Variants in PIAS1 observed in about 807,000 individuals in gnomAD.
PIAS1 encodes E3 SUMO-protein ligase PIAS1.
A neutral mutation model predicts 71.3 loss-of-function variants in PIAS1; 6 were observed. That is an observed-to-expected ratio of 0.08 (90% CI 0.05 to 0.17). PIAS1 has a LOEUF of 0.17. Among genes scored for constraint, PIAS1 ranks in the 10% least tolerant of loss-of-function variants. The probability of loss-of-function intolerance (pLI) is 1.00; values close to 1 mark genes in which losing one functional copy is unlikely to be tolerated. For synonymous variants in PIAS1, 303 were observed against 292.9 expected (o/e 1.03, Z -0.35); for missense variants, 555 against 793.6 (o/e 0.70, Z 3.61).
At chr15:68,148,125 T>G (rs1036191487) in intron 6 of PIAS1, among the ~76,000 whole-genome samples, 5 of 152,108 alleles carry the variant, frequency 3.3e-5, no homozygotes, top group African/African-American at 1.2e-4. Flanking sequence ...AAGCACATGG[T>G]GATTTTACAG....
chr15:68,165,946 T>C (rs2092955118), intron 8 of PIAS1, among the ~76,000 whole-genome samples: 1 of 152,122 alleles, frequency 6.6e-6, no homozygotes, highest in Admixed American at 6.6e-5. Flanking sequence ...ATCCTATTAA[T>C]CTCAGATGAT....
In PIAS1 at chr15:68,187,931, A is replaced by G; in HGVS notation, c.*96A>G. 1.8e-6 allele frequency: 2 copies of G among 1,133,654 alleles called. No individual in the cohort carries two copies. The highest frequency in any genetic ancestry group is 2.5e-6 in the Non-Finnish European group (2 of 801,018). 70.2% of individuals were successfully genotyped at this position (1,133,654 alleles called of 1,614,324 possible). ...CTCTGTTTTACCTTACTCTGTTTAGAAAAGTATACAAGCGTGTTTTTTTTC... is the reference window on the plus strand; with the variant it reads ...CTCTGTTTTACCTTACTCTGTTTAGGAAAGTATACAAGCGTGTTTTTTTTC... On this transcript the variant is annotated 3_prime_UTR_variant, in exon 14 of 14. Coordinates refer to ENST00000249636, the MANE Select transcript of PIAS1 (RefSeq NM_016166.3). The surrounding 1 kb of genome is among the most constrained non-coding windows in gnomAD (Gnocchi z 5.3).
chr15:68,146,273 A>G (rs749866634), intron 5 of PIAS1, among the ~76,000 whole-genome samples: 2 of 152,126 alleles, frequency 1.3e-5, no homozygotes, highest in Non-Finnish European at 2.9e-5. Context: ...GTGCCCTTGA[A>G]ATACTACTAC....
At chr15:68,116,767 AT>A (rs2092568471) in intron 2 of PIAS1, among the ~76,000 whole-genome samples, 1 of 151,688 alleles carries the variant, frequency 6.6e-6, no homozygotes, top group South Asian at 2.1e-4. Flanking sequence ...AACTTGTGAT[AT>A]TTTTTGTTTT....
In PIAS1 at chr15:68,148,059, G is replaced by C. The variant is rs1223017326; in HGVS notation, c.828+1359G>C. On this transcript the variant is annotated intron_variant, in intron 6 of 13. Transcript: ENST00000249636. ...CATTTTCATGAGGCCTGTGATGTAG[G>C]GGCCTGGTGGACACATACAAAGAAT... Among the ~76,000 whole-genome samples the C allele has an allele frequency of 4.6e-5, 7 of 152,164 alleles. No homozygotes were observed. The South Asian group carries it at 8.3e-4, about 18-fold the overall frequency.
intron 2 of PIAS1, among the ~76,000 whole-genome samples, chr15:68,089,231 T>C (rs1392285510): frequency 6.6e-6 from 1 of 152,248 alleles, no homozygotes; most frequent in Non-Finnish European, 1.5e-5. Context: ...TTACGATCAT[T>C]TTGTTATTTC....
chr15:68,085,394 G>A (rs927742889), intron 1 of PIAS1, among the ~76,000 whole-genome samples: 1 of 152,146 alleles, frequency 6.6e-6, no homozygotes, highest in African/African-American at 2.4e-5. Flanking sequence ...AGGAGAAAGG[G>A]GGACTAAATA....
chr15:68,057,806 ACT>A (rs1179554097), intron 1 of PIAS1, among the ~76,000 whole-genome samples: 1 of 151,732 alleles, frequency 6.6e-6, no homozygotes, highest in Non-Finnish European at 1.5e-5. Context: ...TATTTTAAAA[ACT>A]CTACAGTATA....
intron 2 of PIAS1, among the ~76,000 whole-genome samples, chr15:68,095,522 AC>A: frequency 6.7e-6 from 1 of 149,688 alleles, no homozygotes; most frequent in Non-Finnish European, 1.5e-5. Context: ...TAATTTTAAG[AC>A]ATTCTTTTTT....
intron 6 of PIAS1, among the ~76,000 whole-genome samples, chr15:68,149,962 T>A (rs997741164): frequency 6.6e-6 from 1 of 152,160 alleles, no homozygotes; most frequent in African/African-American, 2.4e-5. Context: ...TTGCTATTAA[T>A]TTTGATAGAA....
chr15:68,181,363 C>T lies in PIAS1; in HGVS notation c.1624+9C>T, dbSNP rs1285798116. 6.2e-7 allele frequency: 1 copy of T among 1,611,942 alleles called. No homozygotes were observed. The highest frequency in any genetic ancestry group is 8.5e-7 in the Non-Finnish European group (1 of 1,178,280). On this transcript the variant is annotated intron_variant, in intron 12 of 13. Transcript: ENST00000249636. ...GCCTTACGACTTACAAGGTGAGTCA[C>T]TGGTTCTTCTACATTGTCACATAGC...
At chr15:68,056,486 TC>T (rs2091897705) in intron 1 of PIAS1, among the ~76,000 whole-genome samples, 1 of 152,184 alleles carries the variant, frequency 6.6e-6, no homozygotes, top group South Asian at 2.1e-4. Context: ...TTTTGTGCTC[TC>T]CCAAATCTAC....
Position 68,068,893 on chromosome 15 carries a change from C to CT in PIAS1, c.24+14563dup, listed in dbSNP as rs11298983. 1.9e-3 allele frequency among the ~76,000 whole-genome samples: 142 copies of CT among 76,594 alleles called. 2 individuals carry two copies. The highest frequency in any genetic ancestry group is 6.2e-3 in the African/African-American group (123 of 19,946). The allele number at this position is 76,594 out of a possible 152,430, so 50.2% of individuals were successfully genotyped here. ...GTGTTACACCTTAAATGTTTTTGTCCTTTTTTTTTTTTTTTTTTTTGAGGT... is the reference window on the plus strand; with the variant it reads ...GTGTTACACCTTAAATGTTTTTGTCCTTTTTTTTTTTTTTTTTTTTTGAGGT... On this transcript the variant is annotated intron_variant, in intron 1 of 13. Coordinates refer to ENST00000249636, the MANE Select transcript of PIAS1 (RefSeq NM_016166.3).
At chr15:68,148,424 ATTTTCT>A (rs560567556) in intron 6 of PIAS1, among the ~76,000 whole-genome samples, 4 of 151,716 alleles carry the variant, frequency 2.6e-5, no homozygotes, top group Non-Finnish European at 4.4e-5. Flanking sequence ...AAAGTTAAGG[ATTTTCT>A]TTTTCTTTTT....
At chr15:68,055,208 A>G in intron 1 of PIAS1, 1 of 985,396 alleles carries the variant, frequency 1.0e-6, no homozygotes, top group African/African-American at 1.7e-5. Flanking sequence ...ACACACCATG[A>G]TGGCGATGCT....
At chr15:68,135,496 AC>A (rs1232582260) in intron 2 of PIAS1, among the ~76,000 whole-genome samples, 3 of 12,910 alleles carry the variant, frequency 2.3e-4, no homozygotes, top group Admixed American at 6.1e-4. Context: ...GGGGGGGCTA[AC>A]CCCCCCCACC....
intron 1 of PIAS1, chr15:68,055,177 G>T (rs1018701811): frequency 1.8e-5 from 18 of 984,846 alleles, no homozygotes; most frequent in Non-Finnish European, 2.2e-5. Flanking sequence ...GAGGGTGAGA[G>T]GAGCCTTTGG....
chr15:68,099,730 T>G (rs1440043936), intron 2 of PIAS1, among the ~76,000 whole-genome samples: 1 of 151,986 alleles, frequency 6.6e-6, no homozygotes, highest in East Asian at 1.9e-4. Flanking sequence ...TGTACCACTT[T>G]CTGTTTCTTC....
At chr15:68,124,626 C>T (rs2092637249) in intron 2 of PIAS1, among the ~76,000 whole-genome samples, 1 of 152,108 alleles carries the variant, frequency 6.6e-6, no homozygotes, top group South Asian at 2.1e-4. Flanking sequence ...GAGGCTGAGG[C>T]ATGAGAATCT....
Sources: gnomAD v4.1 joint callset for allele counts (sites outside exome capture counted in the v4.1 genomes callset) on GRCh38, gnomAD v4.1.1 for gene constraint, Gnocchi (gnomAD v3.1) non-coding constraint, MANE v1.5 for transcripts, NCBI Gene and HGNC (gene_info 2026-07-23, HGNC 2026-07-21) for gene names.